SMC1B: variants seen among roughly 807,000 people sequenced by gnomAD.
The protein encoded by SMC1B is structural maintenance of chromosomes 1B.
In SMC1B, 60 loss-of-function variants were observed where a neutral mutation model predicts 157.9. The ratio of observed to expected loss-of-function variants is 0.38; its 90% CI spans 0.31 to 0.47. SMC1B has a LOEUF of 0.47. Ranked by LOEUF, SMC1B falls within the 20% of genes least tolerant of loss-of-function variation. SMC1B has a pLI of 0.99. For synonymous variants in SMC1B, 445 were observed against 483.0 expected, an observed-to-expected ratio of 0.92 and a Z score of 1.03; for missense variants, 1,165 against 1,426.2, an observed-to-expected ratio of 0.82 and a Z score of 2.95.
chr22:45,351,286 T>TC (rs2086613035), intron 22 of SMC1B, among the ~76,000 whole-genome samples: 1 of 152,188 alleles, frequency 6.6e-6, no homozygotes, highest in Non-Finnish European at 1.5e-5. Flanking sequence ...CACAGCTGTC[T>TC]CCCCAGTGCC....
At chr22:45,390,515 G>A (rs1234715028) in intron 9 of SMC1B, among the ~76,000 whole-genome samples, 1 of 151,968 alleles carries the variant, frequency 6.6e-6, no homozygotes, top group Non-Finnish European at 1.5e-5. Context: ...AGACCATCCT[G>A]GTCAACATGG....
At chr22:45,392,103 C>T (rs1053210211) in intron 9 of SMC1B, among the ~76,000 whole-genome samples, 14 of 152,138 alleles carry the variant, frequency 9.2e-5, no homozygotes, top group South Asian at 2.1e-4. Flanking sequence ...TGCACCACCA[C>T]GCCCAGCTAA....
intron 12 of SMC1B, among the ~76,000 whole-genome samples, chr22:45,382,612 T>A (rs892357988): frequency 2.8e-5 from 4 of 142,378 alleles, no homozygotes; most frequent in Non-Finnish European, 4.5e-5. Context: ...TGCTATTGTA[T>A]ATAAATTATA....
At chr22:45,395,391 G>GT (rs1046317955) in intron 7 of SMC1B, among the ~76,000 whole-genome samples, 1 of 152,174 alleles carries the variant, frequency 6.6e-6, no homozygotes, top group East Asian at 1.9e-4. Context: ...TGTTCTTCTT[G>GT]TTTTTTTGTA....
At chr22:45,347,746 G>A (rs1034984804) in intron 23 of SMC1B, among the ~76,000 whole-genome samples, 4 of 152,126 alleles carry the variant, frequency 2.6e-5, no homozygotes, top group Non-Finnish European at 4.4e-5. Flanking sequence ...GAGCCATCAC[G>A]CCTGGCCCAG....
intron 15 of SMC1B, among the ~76,000 whole-genome samples, chr22:45,366,753 C>T (rs577932191): frequency 1.3e-5 from 2 of 152,320 alleles, no homozygotes; most frequent in Admixed American, 6.5e-5. Flanking sequence ...GGATTACATG[C>T]ATAAGCCGCT....
chr22:45,373,864 T>C (rs1205714816), intron 12 of SMC1B, among the ~76,000 whole-genome samples: 1 of 152,174 alleles, frequency 6.6e-6, no homozygotes, highest in Non-Finnish European at 1.5e-5. Flanking sequence ...GTAGACAAAC[T>C]CATAATTTGG....
At chr22:45,372,510 T>C (rs572480175) in intron 12 of SMC1B, among the ~76,000 whole-genome samples, 27 of 152,256 alleles carry the variant, frequency 1.8e-4, no homozygotes, top group African/African-American at 4.8e-4. Flanking sequence ...CAGTGCTTAA[T>C]AGGAAAGAAT....
intron 21 of SMC1B, 68 bp downstream of exon 21, chr22:45,353,910 A>C (rs1034900394): frequency 1.2e-4 from 82 of 696,856 alleles, no homozygotes; most frequent in African/African-American, 1.0e-3. Flanking sequence ...AAAAAAAAAA[A>C]AAAAAAAAAA....
chr22:45,387,109 T>C (rs1224661013), intron 10 of SMC1B, 63 bp from the exon 11 acceptor site: 1 of 1,364,838 alleles, frequency 7.3e-7, no homozygotes, highest in Non-Finnish European at 1.0e-6. Context: ...ATGTTCATTA[T>C]ATTCTTTCTC....
At chr22:45,394,243 T>C (rs566823518) in intron 8 of SMC1B, among the ~76,000 whole-genome samples, 2 of 152,082 alleles carry the variant, frequency 1.3e-5, no homozygotes, top group African/African-American at 4.8e-5. Flanking sequence ...GTGGATCACT[T>C]GAGCCCAGTG....
Position 45,362,903 on chromosome 22 carries a change from A to G in SMC1B, c.2544T>C (p.Asp848=), listed in dbSNP as rs772159199. The G allele has an allele frequency of 6.3e-7, 1 of 1,596,310 alleles. No homozygotes were observed. The highest frequency in any genetic ancestry group is 8.5e-7 in the Non-Finnish European group (1 of 1,173,108). ...TAATTACCTTCTTTAGGTGATCAAT[A>G]TCTTCACTACCTTTCTGGATAGTTT... is the stretch of plus-strand genomic sequence containing the variant. ...LKETIQKGSE[D]IDHLKKAEEN... is the part of the protein sequence containing the mutation. The change falls in exon 16 of 25, where the codon GAT becomes GAC. Residue 848 remains aspartate (D), a synonymous_variant. Coordinates refer to ENST00000357450, the MANE Select transcript of SMC1B (RefSeq NM_148674.5).
chr22:45,359,810 C>T lies in SMC1B; in HGVS notation c.2857G>A (p.Val953Met). 1.2e-6 allele frequency: 2 copies of T among 1,612,352 alleles called. No individual in the cohort carries two copies. The highest frequency in any genetic ancestry group is 1.7e-6 in the Non-Finnish European group (2 of 1,179,020). ...ACAGTCATTTGCTAGAATACCTCCA[C>T]TTCAATGATGTCATCCAGTGACCCC... is the stretch of plus-strand genomic sequence containing the variant. ...LSGSLDDIIE[V>M]EMGTEAESTQ... Residue 953 changes from valine (V) to methionine (M), a missense_variant, in exon 18 of 25, where the codon GTG becomes ATG. Val to Met is a conservative substitution (Grantham distance 21, BLOSUM62 1). Coordinates refer to ENST00000357450, the MANE Select transcript of SMC1B (RefSeq NM_148674.5).
chr22:45,366,850 T>G (rs2146787230), intron 15 of SMC1B, among the ~76,000 whole-genome samples: 1 of 152,364 alleles, frequency 6.6e-6, no homozygotes, highest in East Asian at 1.9e-4. Flanking sequence ...CATTCTTTTT[T>G]TCTCTTCTGT....
chr22:45,410,576 G>A (rs1014585175), intron 1 of SMC1B, among the ~76,000 whole-genome samples: 8 of 152,084 alleles, frequency 5.3e-5, no homozygotes, highest in South Asian at 2.1e-4. Flanking sequence ...GGTGGCGTGC[G>A]CCTGTAATCC....
At chr22:45,387,221 G>A (rs1307631204) in intron 10 of SMC1B, among the ~76,000 whole-genome samples, 175 bp from the exon 11 acceptor site, 1 of 152,170 alleles carries the variant, frequency 6.6e-6, no homozygotes, top group African/African-American at 2.4e-5. Context: ...GCTGAGGTGG[G>A]CAGATCACTT....
chr22:45,370,225 T>C (rs1041589276), intron 14 of SMC1B, among the ~76,000 whole-genome samples, 165 bp from the exon 15 acceptor site: 1 of 152,184 alleles, frequency 6.6e-6, no homozygotes, highest in African/African-American at 2.4e-5. Context: ...TTTAATTCCA[T>C]AAATTATGCC....
At chr22:45,411,866 GGGCCACCATGTCA>G (rs1252755388) in intron 1 of SMC1B, among the ~76,000 whole-genome samples, 2 of 150,830 alleles carry the variant, frequency 1.3e-5, no homozygotes, top group Admixed American at 6.6e-5. Flanking sequence ...TTACAGGTGT[GGGCCACCATGTCA>G]GGCCTTATTT....
chr22:45,362,118 T>TGATA, intron 16 of SMC1B, 134 bp from the exon 17 acceptor site: 1 of 785,408 alleles, frequency 1.3e-6, no homozygotes. Flanking sequence ...TGACCTTCCA[T>TGATA]CGTGGACTGT....
Sources: allele counts gnomAD v4.1 joint callset (sites outside exome capture counted in the v4.1 genomes callset), GRCh38; gene constraint gnomAD v4.1.1; transcripts MANE v1.5; gene names NCBI Gene and HGNC (gene_info 2026-07-23, HGNC 2026-07-21).